UBE2V2: variants seen among roughly 807,000 people sequenced by gnomAD.
UBE2V2 encodes ubiquitin-conjugating enzyme E2 variant 2.
Under a neutral mutation model 17.2 loss-of-function variants are expected in UBE2V2, and 9 were observed. The ratio of observed to expected loss-of-function variants is 0.52; its 90% CI spans 0.32 to 0.91. The LOEUF is 0.91. UBE2V2 is among the 40% of genes least tolerant of loss of function. The pLI, the probability that UBE2V2 is intolerant of heterozygous loss-of-function variation, is 0.04. For missense variants in UBE2V2, 133 were observed against 182.6 expected (o/e 0.73, Z 1.56); for synonymous variants, 61 against 57.5 (o/e 1.06, Z -0.28).
In UBE2V2 at chr8:48,062,605, GAAA is replaced by G. The variant is rs1802613788; in HGVS notation, c.*1780_*1782del. 7.3e-6 allele frequency: 1 copy of G among 136,472 alleles called. No homozygotes were observed. Among genetic ancestry groups the G allele is most frequent in the Non-Finnish European group, 1.6e-5 (1 of 62,304 alleles). 8.5% of individuals were successfully genotyped at this position (136,472 alleles called of 1,614,324 possible). A position where few individuals can be genotyped will look rare whatever the true frequency, so the allele number is the denominator to read the frequency against. ...TCCATCTCAAAAAAAAAAAAAAAAA[GAAA>G]AATATTAATAATTGACCTTGGCTGT... On this transcript the variant is annotated 3_prime_UTR_variant, in exon 4 of 4. Coordinates refer to ENST00000523111, the MANE Select transcript of UBE2V2 (RefSeq NM_003350.3).
chr8:48,004,987 C>G (rs1197631879), upstream of UBE2V2, among the ~76,000 whole-genome samples: 8 of 151,244 alleles, frequency 5.3e-5, no homozygotes, highest in South Asian at 1.5e-3. Context: ...ACCAGAATGC[C>G]AGCTTTTTTT....
intron 1 of UBE2V2, among the ~76,000 whole-genome samples, chr8:48,034,224 C>T (rs899625913): frequency 5.3e-5 from 8 of 150,154 alleles, no homozygotes; most frequent in Non-Finnish European, 1.0e-4. Flanking sequence ...TGGGTTAAAG[C>T]GATTCTCCTG....
At chr8:48,019,863 T>G (rs938769904) in intron 1 of UBE2V2, among the ~76,000 whole-genome samples, 1 of 151,780 alleles carries the variant, frequency 6.6e-6, no homozygotes, top group Non-Finnish European at 1.5e-5. Flanking sequence ...TAATTCCACT[T>G]GGGAGGCTGA....
At chr8:47,998,449 G>T in the UBE2V2 span, among the ~76,000 whole-genome samples, 1 of 151,976 alleles carries the variant, frequency 6.6e-6, no homozygotes, top group Admixed American at 6.6e-5. Context: ...CCAGAAGCCT[G>T]GAGGCCGGAG....
intron 1 of UBE2V2, among the ~76,000 whole-genome samples, chr8:48,039,984 C>T (rs1036292096): frequency 1.3e-5 from 2 of 151,670 alleles, no homozygotes; most frequent in Admixed American, 6.6e-5. Context: ...CCTACCTTTG[C>T]CTCCCAAAAT....
chr8:48,037,329 G>A (rs1380473590), intron 1 of UBE2V2, among the ~76,000 whole-genome samples: 1 of 152,236 alleles, frequency 6.6e-6, no homozygotes, highest in African/African-American at 2.4e-5. Context: ...GATAGAGGTG[G>A]GGGAAGGAAG....
At chr8:48,006,270 A>G (rs1024563188), upstream of UBE2V2, among the ~76,000 whole-genome samples, 1 of 152,216 alleles carries the variant, frequency 6.6e-6, no homozygotes, top group African/African-American at 2.4e-5. Flanking sequence ...TTAAATAAGG[A>G]ATCCTTTCCC....
In UBE2V2 at chr8:48,063,791, G is replaced by A. The variant is rs891009649; in HGVS notation, c.*2963G>A. 2 of 152,152 alleles carry A rather than the reference G, an allele frequency of 1.3e-5. No individual in the cohort carries two copies. The highest frequency in any genetic ancestry group is 4.8e-5 in the African/African-American group (2 of 41,434). 9.4% of individuals were successfully genotyped at this position (152,152 alleles called of 1,614,324 possible). The stretch of plus-strand genomic sequence containing the variant: ...TTATTAAAATAATTTATCACACAGA[G>A]TGATTTGAGGTTTTCGCAGAGTAGA... On this transcript the variant is annotated 3_prime_UTR_variant, in exon 4 of 4. Coordinates refer to ENST00000523111, the MANE Select transcript of UBE2V2 (RefSeq NM_003350.3).
At chr8:48,041,759 T>C (rs1429165799) in intron 1 of UBE2V2, 1 of 151,950 alleles carries the variant, frequency 6.6e-6, no homozygotes, top group Non-Finnish European at 1.5e-5. Flanking sequence ...GAATAAACTC[T>C]TAAAAAGCAG....
intron 2 of UBE2V2, among the ~76,000 whole-genome samples, chr8:48,047,790 T>C (rs2091509480): frequency 6.6e-6 from 1 of 152,094 alleles, no homozygotes. Context: ...TCAGGCAGTC[T>C]GCCCGCCTTT....
Position 48,062,553 on chromosome 8 carries a change from G to GC in UBE2V2, c.*1726dup, listed in dbSNP as rs1281329153. On this transcript the variant is annotated 3_prime_UTR_variant, in exon 4 of 4. Transcript: ENST00000523111. The stretch of plus-strand genomic sequence containing the variant: ...GTTGCAGTGCCGAGAGCGCACCACT[G>GC]CTCCAGCCTGGGCAACAGAGCAAGA... 2 of 144,816 alleles carry GC rather than the reference G, an allele frequency of 1.4e-5. No homozygotes were observed. Among genetic ancestry groups the GC allele is most frequent in the East Asian group, 4.0e-4 (2 of 4,998 alleles). 9.0% of individuals were successfully genotyped at this position (144,816 alleles called of 1,614,324 possible).
chr8:47,999,287 A>T, the UBE2V2 span, among the ~76,000 whole-genome samples: 1 of 152,066 alleles, frequency 6.6e-6, no homozygotes, highest in Non-Finnish European at 1.5e-5. Context: ...AGCAAAGATC[A>T]CCTGGTGGCT....
rs535405438 is a variant in UBE2V2 at position 48,016,622 on chromosome 8, A to G, written c.16+8152A>G. On this transcript the variant is annotated intron_variant, in intron 1 of 3. Coordinates refer to ENST00000523111, the MANE Select transcript of UBE2V2 (RefSeq NM_003350.3). ...CTCAGCCTCCCGAGTAGCTGGGATTACAGCCACGCACCACCATGCCTGGCT... is the reference window on the plus strand; with the variant it reads ...CTCAGCCTCCCGAGTAGCTGGGATTGCAGCCACGCACCACCATGCCTGGCT... Among the ~76,000 whole-genome samples, 120 of 151,772 alleles carry G rather than the reference A, an allele frequency of 7.9e-4. 1 individual carries two copies. Among genetic ancestry groups the G allele is most frequent in the African/African-American group, 2.6e-3 (109 of 41,368 alleles).
the UBE2V2 span, among the ~76,000 whole-genome samples, chr8:48,000,674 T>C: frequency 2.0e-5 from 3 of 151,604 alleles, no homozygotes; most frequent in South Asian, 2.1e-4. Flanking sequence ...ACAAAAAAAT[T>C]AGCTGGGTAT....
intron 1 of UBE2V2, among the ~76,000 whole-genome samples, chr8:48,036,104 A>G (rs978893355): frequency 6.6e-6 from 1 of 151,620 alleles, no homozygotes; most frequent in African/African-American, 2.4e-5. Flanking sequence ...ACAGCTGTGC[A>G]CCACCATGCC....
At chr8:48,040,176 T>G (rs1433031193) in intron 1 of UBE2V2, among the ~76,000 whole-genome samples, 1 of 152,126 alleles carries the variant, frequency 6.6e-6, no homozygotes, top group Non-Finnish European at 1.5e-5. Flanking sequence ...CTCTTGTGTG[T>G]ACTCTCTCTT....
rs775911627 is a variant in UBE2V2 at position 48,008,478 on chromosome 8, C to T, written c.16+8C>T. 3.2e-6 allele frequency: 5 copies of T among 1,567,696 alleles called. No individual in the cohort carries two copies. Among genetic ancestry groups the T allele is most frequent in the Non-Finnish European group, 4.3e-6 (5 of 1,158,976 alleles). ...AGATGGCGGTCTCCACAGGTCGGTT[C>T]CCGGGCCGGGCTGCGTGATTTTCCG... On this transcript the variant is annotated splice_region_variant and intron_variant, in intron 1 of 3. Transcript: ENST00000523111.
chr8:48,057,363 G>A (rs752809448), intron 3 of UBE2V2, among the ~76,000 whole-genome samples: 14 of 151,958 alleles, frequency 9.2e-5, no homozygotes, highest in African/African-American at 1.2e-4. Context: ...GTGCAGTGGC[G>A]TGATCTCAGT....
In UBE2V2 at chr8:48,010,494, C is replaced by T. The variant is rs190323425; in HGVS notation, c.16+2024C>T. 4.6e-5 allele frequency among the ~76,000 whole-genome samples: 7 copies of T among 151,500 alleles called. 1 individual carries two copies. Among genetic ancestry groups the T allele is most frequent in the Admixed American group, 3.3e-4 (5 of 15,162 alleles). ...TCGGCTCACTGCAACCTCCGCCTCC[C>T]GGGCTCAAGCGATTCTCCTGCCTCA... On this transcript the variant is annotated intron_variant, in intron 1 of 3. Transcript: ENST00000523111.
Sources: allele counts gnomAD v4.1 joint callset (sites outside exome capture counted in the v4.1 genomes callset), GRCh38; gene constraint gnomAD v4.1.1; transcripts MANE v1.5; gene names NCBI Gene and HGNC (gene_info 2026-07-23, HGNC 2026-07-21).